The following KITLG variants were observed in gnomAD, a reference collection of about 807,000 sequenced individuals.
KITLG encodes KIT ligand.
Under a neutral mutation model 34.1 loss-of-function variants are expected in KITLG, and 13 were observed. The ratio of observed to expected loss-of-function variants is 0.38; its 90% CI spans 0.25 to 0.61. The LOEUF (loss-of-function observed/expected upper bound fraction) is 0.61, where lower values mean the gene tolerates loss of function less well. Among genes scored for constraint, KITLG ranks in the 20% least tolerant of loss-of-function variants. The pLI, the probability that KITLG is intolerant of heterozygous loss-of-function variation, is 0.60. For missense variants in KITLG, 292 were observed against 318.9 expected (o/e 0.92, Z 0.64); for synonymous variants, 110 against 104.0 (o/e 1.06, Z -0.35).
chr12:88,556,415 G>A (rs1217563130), intron 1 of KITLG, among the ~76,000 whole-genome samples: 1 of 152,056 alleles, frequency 6.6e-6, no homozygotes, highest in Non-Finnish European at 1.5e-5. Flanking sequence ...AACAAACCTG[G>A]GGGCATGAGG....
intron 1 of KITLG, among the ~76,000 whole-genome samples, chr12:88,568,821 G>C (rs1354233447): frequency 6.6e-6 from 1 of 151,872 alleles, no homozygotes; most frequent in Non-Finnish European, 1.5e-5. Flanking sequence ...AAAAAAGAAG[G>C]GAAAGAACAA....
Position 88,557,675 on chromosome 12 carries a change from C to T in KITLG, c.16-11810G>A, listed in dbSNP as rs572524923. ...GGTTTATATATCTACCGCCAACTCT[C>T]TGCAATAAGTGTGTATTTTCAAAGA... On this transcript the variant is annotated intron_variant, in intron 1 of 9. Coordinates refer to ENST00000644744, the MANE Select transcript of KITLG (RefSeq NM_000899.5). Among the ~76,000 whole-genome samples the T allele has an allele frequency of 7.2e-5, 11 of 152,266 alleles. No individual in the cohort carries two copies. The South Asian group carries it at 2.3e-3, about 32-fold the overall frequency.
At chr12:88,510,531 T>C (rs1223533040) in intron 6 of KITLG, among the ~76,000 whole-genome samples, 3 of 152,190 alleles carry the variant, frequency 2.0e-5, no homozygotes, top group Non-Finnish European at 1.5e-5. Context: ...TCAAGACTAT[T>C]TCTAGAAAAT....
intron 2 of KITLG, among the ~76,000 whole-genome samples, chr12:88,544,464 G>A (rs1870636375): frequency 6.7e-6 from 1 of 150,330 alleles, no homozygotes; most frequent in Non-Finnish European, 1.5e-5. Context: ...AAACTAACAA[G>A]CAACTCAAGG....
At chr12:88,519,574 A>G (rs1463782331) in intron 3 of KITLG, among the ~76,000 whole-genome samples, 2 of 152,154 alleles carry the variant, frequency 1.3e-5, no homozygotes, top group African/African-American at 4.8e-5. Flanking sequence ...TACCAGCAGA[A>G]TATCTCTGTG....
Position 88,493,236 on chromosome 12 carries a change from T to C in KITLG, c.*3983A>G, listed in dbSNP as rs1868476452. 1 of 152,368 alleles carries C rather than the reference T, an allele frequency of 6.6e-6. No homozygotes were observed. Among genetic ancestry groups the C allele is most frequent in the African/African-American group, 2.4e-5 (1 of 41,412 alleles). The allele number at this position is 152,368 out of a possible 1,614,324, so 9.4% of individuals were successfully genotyped here. A position where few individuals can be genotyped will look rare whatever the true frequency, so the allele number is the denominator to read the frequency against. On this transcript the variant is annotated 3_prime_UTR_variant, in exon 10 of 10. Transcript: ENST00000644744. ...TACTGGAAAACGGTGTGGTTTTTAG[T>C]TTAACAGTTGTTTTAATTTTATTGT...
intron 1 of KITLG, among the ~76,000 whole-genome samples, chr12:88,560,967 C>CAAAAAA (rs34851499): frequency 1.2e-4 from 7 of 58,078 alleles, no homozygotes; most frequent in African/African-American, 2.7e-4. Context: ...GACTCTGTCT[C>CAAAAAA]AAAAAAAAAA....
chr12:88,531,223 T>C (rs944935395), intron 3 of KITLG, among the ~76,000 whole-genome samples: 8 of 152,168 alleles, frequency 5.3e-5, no homozygotes, highest in African/African-American at 1.9e-4. Context: ...TATAAGAGAA[T>C]GCTCCTCCTG....
intron 6 of KITLG, among the ~76,000 whole-genome samples, chr12:88,511,427 G>A (rs1423872107): frequency 1.3e-5 from 2 of 152,146 alleles, no homozygotes; most frequent in African/African-American, 2.4e-5. Flanking sequence ...TCAGATTGAG[G>A]TGTGGAAGAC....
chr12:88,529,374 C>T (rs1261070418), intron 3 of KITLG, among the ~76,000 whole-genome samples: 1 of 151,860 alleles, frequency 6.6e-6, no homozygotes, highest in African/African-American at 2.4e-5. Context: ...TTCAACAGTC[C>T]GGCAATATAA....
In KITLG at chr12:88,506,368, G is replaced by A; in HGVS notation, c.725C>T (p.Pro242Leu). 6.2e-7 allele frequency: 1 copy of A among 1,604,134 alleles called. No individual in the cohort carries two copies. The highest frequency in any genetic ancestry group is 2.2e-5 in the East Asian group (1 of 44,808). ...ATTTTCAACTGCCCTTGTAAGACTTGGCTGTCTCTTCTGGAAAAAGAAGAA... is the reference window on the plus strand; with the variant it reads ...ATTTTCAACTGCCCTTGTAAGACTTAGCTGTCTCTTCTGGAAAAAGAAGAA... ...FGALYWKKRQ[P>L]SLTRAVENIQ... Residue 242 changes from proline to leucine, a missense_variant, in exon 8 of 10, where the codon CCA becomes CTA. Physicochemically the swap from Pro to Leu is moderately conservative, Grantham distance 98 (BLOSUM62 -3). Transcript: ENST00000644744.
intron 9 of KITLG, among the ~76,000 whole-genome samples, chr12:88,502,683 A>G (rs558718385): frequency 4.6e-5 from 7 of 152,328 alleles, no homozygotes; most frequent in Admixed American, 3.9e-4. Flanking sequence ...GGGTTTCCGT[A>G]TCCTAATCCA....
At chr12:88,547,118 C>CA (rs1359158187) in intron 1 of KITLG, among the ~76,000 whole-genome samples, 1 of 152,114 alleles carries the variant, frequency 6.6e-6, no homozygotes, top group Non-Finnish European at 1.5e-5. Flanking sequence ...TATGAGATAC[C>CA]ATTCTTCTGT....
Position 88,552,560 on chromosome 12 carries a change from T to C in KITLG, c.16-6695A>G, listed in dbSNP as rs147080833. ...AAAACACAGCTCAATTGAAATACTT[T>C]TGGAATGAATGAATGAATGAAAGGT... On this transcript the variant is annotated intron_variant, in intron 1 of 9. Transcript: ENST00000644744. Among the ~76,000 whole-genome samples the C allele has an allele frequency of 2.6e-4, 40 of 152,186 alleles. No individual in the cohort carries two copies. In the East Asian group the frequency reaches 5.6e-3, roughly 21 times the overall value.
chr12:88,527,739 A>T (rs1869931135), intron 3 of KITLG, among the ~76,000 whole-genome samples: 1 of 152,224 alleles, frequency 6.6e-6, no homozygotes, highest in Non-Finnish European at 1.5e-5. Flanking sequence ...CCATGAGGAG[A>T]GGATGGACTC....
chr12:88,509,933 A>C (rs1312308218), intron 6 of KITLG, among the ~76,000 whole-genome samples: 2 of 152,212 alleles, frequency 1.3e-5, no homozygotes, highest in African/African-American at 4.8e-5. Context: ...ATTTGGGGAC[A>C]AAACTTAAGC....
chr12:88,565,489 G>A (rs1402509028), intron 1 of KITLG, among the ~76,000 whole-genome samples: 2 of 152,112 alleles, frequency 1.3e-5, no homozygotes, highest in Non-Finnish European at 2.9e-5. Context: ...GCCGGGAGTG[G>A]TGGCACGTGC....
intron 4 of KITLG, among the ~76,000 whole-genome samples, chr12:88,517,394 G>A (rs1869497557): frequency 6.6e-6 from 1 of 151,978 alleles, no homozygotes; most frequent in South Asian, 2.1e-4. Context: ...ACTTACTATG[G>A]ACTATTCTAA....
chr12:88,572,595 T>TA (rs1555258293), intron 1 of KITLG, among the ~76,000 whole-genome samples: 8 of 134,930 alleles, frequency 5.9e-5, no homozygotes, highest in Admixed American at 2.3e-4. Context: ...ATATACATTA[T>TA]TATATATATA....
Sources: allele counts gnomAD v4.1 joint callset (sites outside exome capture counted in the v4.1 genomes callset), GRCh38; gene constraint gnomAD v4.1.1; transcripts MANE v1.5; gene names NCBI Gene and HGNC (gene_info 2026-07-23, HGNC 2026-07-21).